CCN4: variants seen among roughly 807,000 people sequenced by gnomAD.
The protein encoded by CCN4 is CCN family member 4.
CCN4 carries 30 observed loss-of-function variants against 36.7 expected under a neutral mutation model. That is an observed-to-expected ratio of 0.82 (90% CI 0.61 to 1.11). The LOEUF is 1.11. Among genes scored for constraint, CCN4 ranks in the 50% least tolerant of loss-of-function variants. CCN4 has a pLI of 0.00. For missense variants in CCN4, 505 were observed against 504.9 expected (o/e 1.00, Z 0.00); for synonymous variants, 191 against 195.4 (o/e 0.98, Z 0.19).
At chr8:133,206,845 G>T (rs966712475) in intron 1 of CCN4, among the ~76,000 whole-genome samples, 2 of 152,244 alleles carry the variant, frequency 1.3e-5, no homozygotes, top group Non-Finnish European at 2.9e-5. Flanking sequence ...CCAAGCCACT[G>T]CCAGGGGGTT....
chr8:133,213,086 G>T lies in CCN4; in HGVS notation c.292G>T (p.Gly98Cys). ...TEAAICDPHR[G>C]LYCDYSGDRP... The stretch of plus-strand genomic sequence containing the variant: ...GGCTGCCATCTGTGACCCCCACCGG[G>T]GCCTCTACTGTGACTACAGCGGGGA... Residue 98 changes from glycine to cysteine, a missense_variant, in exon 2 of 5, where the codon GGC (glycine) becomes TGC (cysteine). Gly to Cys is a radical substitution (Grantham distance 159). Transcript: ENST00000250160. The T allele has an allele frequency of 6.2e-7, 1 of 1,614,076 alleles. No homozygotes were observed. The highest frequency in any genetic ancestry group is 1.1e-5 in the South Asian group (1 of 91,084).
Position 133,229,603 on chromosome 8 carries a change from A to T in CCN4, c.*1893A>T, listed in dbSNP as rs1242280528. The T allele has an allele frequency of 6.6e-6, 1 of 152,270 alleles. No individual in the cohort carries two copies. Among genetic ancestry groups the T allele is most frequent in the Non-Finnish European group, 1.5e-5 (1 of 68,048 alleles). The allele number at this position is 152,270 out of a possible 1,614,324, so 9.4% of individuals were successfully genotyped here. A position where few individuals can be genotyped will look rare whatever the true frequency, so the allele number is the denominator to read the frequency against. On this transcript the variant is annotated 3_prime_UTR_variant, in exon 5 of 5. Coordinates refer to ENST00000250160, the MANE Select transcript of CCN4 (RefSeq NM_003882.4). ...AGAGAGATTCCTAAACGGGAAAAGG[A>T]CTGGGAATACATCCTCCTTACTGTG...
chr8:133,227,378 A>G (rs779536662), intron 4 of CCN4, 33 bp from the exon 5 acceptor site: 1 of 1,576,230 alleles, frequency 6.3e-7, no homozygotes, highest in Admixed American at 1.8e-5. Flanking sequence ...TTCTCTGAGC[A>G]CTCCCACTGA....
intron 1 of CCN4, among the ~76,000 whole-genome samples, chr8:133,192,038 G>A (rs1433373231): frequency 6.6e-6 from 1 of 152,220 alleles, no homozygotes; most frequent in African/African-American, 2.4e-5. Flanking sequence ...GAGGCAGGCA[G>A]TGCAAGGAGG....
chr8:133,205,966 T>G (rs1853756856), intron 1 of CCN4, among the ~76,000 whole-genome samples: 3 of 152,194 alleles, frequency 2.0e-5, no homozygotes, highest in Non-Finnish European at 2.9e-5. Flanking sequence ...TCGTTTTTAT[T>G]TTGACAAAGG....
intron 2 of CCN4, among the ~76,000 whole-genome samples, chr8:133,220,344 C>T (rs1304489779): frequency 6.6e-6 from 1 of 152,222 alleles, no homozygotes; most frequent in Non-Finnish European, 1.5e-5. Context: ...TCCCTGGGTG[C>T]TGGCTGAAGC....
intron 1 of CCN4, among the ~76,000 whole-genome samples, chr8:133,198,011 G>A (rs551472649): frequency 4.6e-5 from 7 of 152,280 alleles, no homozygotes; most frequent in Admixed American, 3.9e-4. Flanking sequence ...AAGACCAGGG[G>A]GAAATAGCTC....
Position 133,227,979 on chromosome 8 carries a change from C to A in CCN4, c.*269C>A. The A allele has an allele frequency of 2.7e-6, 1 of 369,856 alleles. No homozygotes were observed. Among genetic ancestry groups the A allele is most frequent in the Non-Finnish European group, 4.9e-6 (1 of 206,030 alleles). The allele number at this position is 369,856 out of a possible 1,614,324, so 22.9% of individuals were successfully genotyped here. A position where few individuals can be genotyped will look rare whatever the true frequency, so the allele number is the denominator to read the frequency against. ...TACACCCAAGCCTGATCCAGCCTTT[C>A]CAAGTCACTAGAAGTCCTGCTGGAT... On this transcript the variant is annotated 3_prime_UTR_variant, in exon 5 of 5. Coordinates refer to ENST00000250160, the MANE Select transcript of CCN4 (RefSeq NM_003882.4).
At chr8:133,205,704 G>A in intron 1 of CCN4, among the ~76,000 whole-genome samples, 1 of 152,154 alleles carries the variant, frequency 6.6e-6, no homozygotes. Context: ...ACCTCAGAGG[G>A]TCCCAGGGGC....
intron 1 of CCN4, 25 bp from the exon 2 acceptor site, chr8:133,212,839 C>T (rs970970763): frequency 2.0e-6 from 3 of 1,521,570 alleles, no homozygotes; most frequent in African/African-American, 1.4e-5. Context: ...AGCAGCCCCC[C>T]TTTCCCTCTG....
chr8:133,191,694 CA>C (rs1286874673), intron 1 of CCN4, among the ~76,000 whole-genome samples: 6 of 151,630 alleles, frequency 4.0e-5, no homozygotes, highest in Non-Finnish European at 7.4e-5. Flanking sequence ...TGGAAAAAGC[CA>C]AAAAAAATTG....
At chr8:133,196,955 C>T (rs1853409913) in intron 1 of CCN4, among the ~76,000 whole-genome samples, 1 of 152,158 alleles carries the variant, frequency 6.6e-6, no homozygotes, top group Admixed American at 6.5e-5. Flanking sequence ...GGCAGGCTGT[C>T]CTGGCTCAGT....
chr8:133,223,632 TTC>T (rs943332279), intron 3 of CCN4, among the ~76,000 whole-genome samples: 2 of 143,958 alleles, frequency 1.4e-5, no homozygotes, highest in East Asian at 2.6e-4. Flanking sequence ...TCCTGTTTCT[TTC>T]TCTCTCTCAC....
At position 133,220,762 on chromosome 8, in the gene CCN4, C is replaced by T. The variant is rs934618330; in HGVS notation, c.531C>T (p.Gly177=). 14 of 1,613,286 alleles carry T rather than the reference C, an allele frequency of 8.7e-6. No homozygotes were observed. In the African/African-American group the frequency reaches 1.7e-4, roughly 20 times the overall value. ...ACCCGCGGCGCGTGAGCATACCTGG[C>T]CACTGCTGTGAGCAGTGGGTATGTG... ...CPHPRRVSIP[G]HCCEQWVCED... The change falls in exon 3 of 5, where the codon GGC becomes GGT. Residue 177 remains glycine, a synonymous_variant. Coordinates refer to ENST00000250160, the MANE Select transcript of CCN4 (RefSeq NM_003882.4).
intron 1 of CCN4, among the ~76,000 whole-genome samples, chr8:133,200,377 T>C: frequency 6.6e-6 from 1 of 152,218 alleles, no homozygotes; most frequent in East Asian, 1.9e-4. Context: ...ATCGGGTAGA[T>C]GCCCACTCTG....
chr8:133,203,138 C>T (rs1035804440), intron 1 of CCN4, among the ~76,000 whole-genome samples: 4 of 152,236 alleles, frequency 2.6e-5, no homozygotes, highest in Non-Finnish European at 5.9e-5. Context: ...CGACCGTCCA[C>T]ACTGCTCACG....
chr8:133,207,261 C>A (rs529877160), intron 1 of CCN4, among the ~76,000 whole-genome samples: 1 of 152,226 alleles, frequency 6.6e-6, no homozygotes, highest in Non-Finnish European at 1.5e-5. Context: ...CTAGACCACC[C>A]GAATGGCAGC....
chr8:133,212,358 C>T (rs923912707), intron 1 of CCN4, among the ~76,000 whole-genome samples: 2 of 151,944 alleles, frequency 1.3e-5, no homozygotes, highest in East Asian at 1.9e-4. Context: ...AATAGGTCAG[C>T]GGGCCGAAAC....
At chr8:133,201,679 T>C (rs1272914754) in intron 1 of CCN4, among the ~76,000 whole-genome samples, 3 of 152,036 alleles carry the variant, frequency 2.0e-5, no homozygotes, top group African/African-American at 7.2e-5. Context: ...CCATCTCTAC[T>C]AAGAAATGCA....
Sources: gnomAD v4.1 joint callset for allele counts (sites outside exome capture counted in the v4.1 genomes callset) on GRCh38, gnomAD v4.1.1 for gene constraint, MANE v1.5 for transcripts, NCBI Gene and HGNC (gene_info 2026-07-23, HGNC 2026-07-21) for gene names.